Variants in MTMR12 observed in about 807,000 individuals in gnomAD.
The protein encoded by MTMR12 is myotubularin-related protein 12.
A neutral mutation model predicts 96.7 loss-of-function variants in MTMR12; 33 were observed. The ratio of observed to expected loss-of-function variants is 0.34; its 90% CI spans 0.26 to 0.46. MTMR12 has a LOEUF of 0.46. Ranked by LOEUF, MTMR12 falls within the 20% of genes least tolerant of loss-of-function variation. MTMR12 has a pLI of 1.00. For synonymous variants in MTMR12, 298 were observed against 327.2 expected, an observed-to-expected ratio of 0.91 and a Z score of 0.96; for missense variants, 721 against 896.1, an observed-to-expected ratio of 0.80 and a Z score of 2.49.
intron 1 of MTMR12, among the ~76,000 whole-genome samples, chr5:32,300,946 G>A (rs1751116370): frequency 6.6e-6 from 1 of 152,122 alleles, no homozygotes; most frequent in African/African-American, 2.4e-5. Context: ...GTGGTGGCAT[G>A]CGCCTGTAGT....
At chr5:32,266,821 T>G (rs932213656) in intron 6 of MTMR12, among the ~76,000 whole-genome samples, 3 of 152,076 alleles carry the variant, frequency 2.0e-5, no homozygotes, top group Admixed American at 2.0e-4. Context: ...GGCTCATACC[T>G]GTAATCCCAG....
intron 7 of MTMR12, 55 bp downstream of exon 7, chr5:32,263,058 C>A: frequency 6.3e-7 from 1 of 1,598,766 alleles, no homozygotes; most frequent in Admixed American, 1.7e-5. Context: ...CTAAAAAACA[C>A]TGTACACTTT....
intron 1 of MTMR12, among the ~76,000 whole-genome samples, chr5:32,307,712 C>G (rs746600110): frequency 1.3e-5 from 2 of 152,156 alleles, no homozygotes; most frequent in Non-Finnish European, 2.9e-5. Flanking sequence ...CCTCATTTTA[C>G]GCTGTCCGAT....
At chr5:32,302,514 C>T (rs944817875) in intron 1 of MTMR12, among the ~76,000 whole-genome samples, 2 of 151,992 alleles carry the variant, frequency 1.3e-5, no homozygotes, top group Non-Finnish European at 2.9e-5. Flanking sequence ...GTCAGGAGTT[C>T]GAGACCAGCC....
At chr5:32,241,873 T>A (rs1021577470) in intron 12 of MTMR12, among the ~76,000 whole-genome samples, 184 bp downstream of exon 12, 79 of 152,228 alleles carry the variant, frequency 5.2e-4, no homozygotes, top group African/African-American at 1.8e-3. Context: ...AGTGAAAGAA[T>A]TTTGTTTTAA....
intron 1 of MTMR12, among the ~76,000 whole-genome samples, chr5:32,297,011 G>A (rs1222459300): frequency 5.9e-5 from 9 of 151,398 alleles, no homozygotes; most frequent in Admixed American, 1.3e-4. Flanking sequence ...GCTGAGGCAG[G>A]AGAATGGTGT....
chr5:32,241,272 A>T (rs956756404), intron 12 of MTMR12, among the ~76,000 whole-genome samples: 1 of 152,178 alleles, frequency 6.6e-6, no homozygotes, highest in Non-Finnish European at 1.5e-5. Context: ...GGCGGAACAG[A>T]GCCCTGCACA....
intron 6 of MTMR12, among the ~76,000 whole-genome samples, chr5:32,266,912 T>C (rs1365371707): frequency 6.6e-6 from 1 of 151,454 alleles, no homozygotes; most frequent in African/African-American, 2.4e-5. Flanking sequence ...ACCCCGTCTC[T>C]ACTAAAAATA....
rs1748093528 is a variant in MTMR12, at chr5:32,233,646, A to G, written c.1674+127T>C. 1.3e-5 allele frequency: 17 copies of G among 1,312,002 alleles called. No individual in the cohort carries two copies. The highest frequency in any genetic ancestry group is 1.8e-5 in the Non-Finnish European group (17 of 937,704). The allele number at this position is 1,312,002 out of a possible 1,614,324, so 81.3% of individuals were successfully genotyped here. ...GGCCCTTGACAATTTGACCATCACA[A>G]GTCTCAACTCTGCAGACTGCTTCGA... On this transcript the variant is annotated intron_variant, in intron 15 of 15. Transcript: ENST00000382142. This position sits in a 1 kb window ranked among gnomAD's most constrained non-coding sequence, Gnocchi z 5.0.
At chr5:32,249,300 G>T (rs1388250116) in intron 8 of MTMR12, among the ~76,000 whole-genome samples, 1 of 152,184 alleles carries the variant, frequency 6.6e-6, no homozygotes, top group African/African-American at 2.4e-5. Flanking sequence ...GCAAGAAACT[G>T]AGGCTTGGAG....
chr5:32,265,621 G>A (rs150322107), intron 6 of MTMR12, among the ~76,000 whole-genome samples: 3 of 152,202 alleles, frequency 2.0e-5, no homozygotes, highest in Non-Finnish European at 4.4e-5. Context: ...TATAGTTGCA[G>A]TAAAAATCTG....
rs990422837 is a variant in MTMR12 at position 32,228,276 on chromosome 5, G to C, written c.*1502C>G. On this transcript the variant is annotated 3_prime_UTR_variant, in exon 16 of 16. Transcript: ENST00000382142. ...CTCCCAAAGTGCTGGGATTACAGGC[G>C]TGAGCCACCACACCCGGCCTCAAAT... 1 of 151,830 alleles carries C rather than the reference G, an allele frequency of 6.6e-6. No individual in the cohort carries two copies. The highest frequency in any genetic ancestry group is 6.6e-5 in the Admixed American group (1 of 15,218). 9.4% of individuals were successfully genotyped at this position (151,830 alleles called of 1,614,324 possible). A position where few individuals can be genotyped will look rare whatever the true frequency, so the allele number is the denominator to read the frequency against.
rs752327449 is a variant in MTMR12, at chr5:32,233,473, A to AAC, written c.1674+298_1674+299dup. 0.062 allele frequency among the ~76,000 whole-genome samples: 3,740 copies of AAC among 59,976 alleles called. 110 individuals are homozygous for AAC. Among genetic ancestry groups the AAC allele is most frequent in the African/African-American group, 0.14 (3,104 of 21,782 alleles). The allele number at this position is 59,976 out of a possible 152,430, so 39.3% of individuals were successfully genotyped here. ...CTCTACTAACACACACACACACACA[A>AAC]ACACACACACACACACACACACACA... is the stretch of plus-strand genomic sequence containing the variant. On this transcript the variant is annotated intron_variant, in intron 15 of 15. Coordinates refer to ENST00000382142, the MANE Select transcript of MTMR12 (RefSeq NM_001040446.3). The surrounding 1 kb of genome is among the most constrained non-coding windows in gnomAD (Gnocchi z 5.0).
rs139392294 is a variant in MTMR12, at chr5:32,292,904, CTTCTT to C, written c.82-16167_82-16163del. ...CTGTAATTGTCATGAGTATTTCCTCCTTCTTTTGTTAAAAACATGTTTGTGCATAT... is the reference window on the plus strand; with the variant it reads ...CTGTAATTGTCATGAGTATTTCCTCCTTGTTAAAAACATGTTTGTGCATAT... On this transcript the variant is annotated intron_variant, in intron 1 of 15. Transcript: ENST00000382142. Among the ~76,000 whole-genome samples the C allele has an allele frequency of 3.8e-3, 578 of 152,278 alleles. 26 individuals are homozygous for C. The East Asian group carries it at 0.097, about 26-fold the overall frequency.
intron 5 of MTMR12, 52 bp downstream of exon 5, chr5:32,270,765 G>T: frequency 6.5e-7 from 1 of 1,548,672 alleles, no homozygotes; most frequent in Non-Finnish European, 8.7e-7. Context: ...ACTAGAGCTA[G>T]TGGGGAAAAC....
rs1024239183 is a variant in MTMR12 at position 32,227,628 on chromosome 5, G to A, written c.*2150C>T. On this transcript the variant is annotated 3_prime_UTR_variant, in exon 16 of 16. Coordinates refer to ENST00000382142, the MANE Select transcript of MTMR12 (RefSeq NM_001040446.3). Reference sequence around the variant, plus strand: ...AAGAGGCTACTGTATAAATATTCACGTTATAACGTGGTAACAAAAATAGCT... The same window carrying A: ...AAGAGGCTACTGTATAAATATTCACATTATAACGTGGTAACAAAAATAGCT... The A allele has an allele frequency of 1.3e-5, 2 of 152,638 alleles. No homozygotes were observed. The highest frequency in any genetic ancestry group is 1.9e-4 in the East Asian group (1 of 5,206). The allele number at this position is 152,638 out of a possible 1,614,324, so 9.5% of individuals were successfully genotyped here. A position where few individuals can be genotyped will look rare whatever the true frequency, so the allele number is the denominator to read the frequency against.
intron 7 of MTMR12, among the ~76,000 whole-genome samples, chr5:32,260,850 T>A (rs1246372705): frequency 2.0e-5 from 3 of 151,752 alleles, no homozygotes. Context: ...AATACAAAGT[T>A]GTATGAATCT....
intron 7 of MTMR12, among the ~76,000 whole-genome samples, chr5:32,257,172 T>A (rs1749171944): frequency 6.6e-6 from 1 of 151,828 alleles, no homozygotes; most frequent in African/African-American, 2.4e-5. Flanking sequence ...CACAAAAAAA[T>A]TAAAAAAAAT....
chr5:32,280,252 A>G (rs1750242493), intron 1 of MTMR12, among the ~76,000 whole-genome samples: 1 of 152,244 alleles, frequency 6.6e-6, no homozygotes, highest in Non-Finnish European at 1.5e-5. Flanking sequence ...TCATAGGTCA[A>G]AATGCTTATA....
Sources: allele counts gnomAD v4.1 joint callset (sites outside exome capture counted in the v4.1 genomes callset), GRCh38; gene constraint gnomAD v4.1.1; non-coding constraint Gnocchi (gnomAD v3.1); transcripts MANE v1.5; gene names NCBI Gene and HGNC (gene_info 2026-07-23, HGNC 2026-07-21).